SCMH1: variants seen among roughly 807,000 people sequenced by gnomAD.
The protein encoded by SCMH1 is polycomb protein SCMH1.
SCMH1 carries 37 observed loss-of-function variants against 70.8 expected under a neutral mutation model. The observed-to-expected ratio is 0.52, with a 90% confidence interval of 0.40 to 0.69. The LOEUF is 0.69. SCMH1 is among the 30% of genes least tolerant of loss of function. SCMH1 has a pLI of 0.00. For synonymous variants in SCMH1, 292 were observed against 307.4 expected, an observed-to-expected ratio of 0.95 and a Z score of 0.52; for missense variants, 607 against 827.3, an observed-to-expected ratio of 0.73 and a Z score of 3.27.
At chr1:41,086,452 C>T (rs1486773632) in intron 8 of SCMH1, among the ~76,000 whole-genome samples, 1 of 152,172 alleles carries the variant, frequency 6.6e-6, no homozygotes, top group South Asian at 2.1e-4. Flanking sequence ...GACATCTATC[C>T]TTGTTCTTTT....
chr1:41,107,543 C>T (rs540708071), intron 8 of SCMH1, among the ~76,000 whole-genome samples: 2 of 151,988 alleles, frequency 1.3e-5, no homozygotes, highest in East Asian at 3.9e-4. Flanking sequence ...TTTCTTGAGA[C>T]AGAGTCTTGC....
At chr1:41,140,213 T>A (rs1643917537) in intron 6 of SCMH1, among the ~76,000 whole-genome samples, 1 of 152,104 alleles carries the variant, frequency 6.6e-6, no homozygotes, top group Non-Finnish European at 1.5e-5. Context: ...AAATTTAAGG[T>A]AGCAGAGATG....
intron 8 of SCMH1, among the ~76,000 whole-genome samples, chr1:41,092,981 T>C (rs543772861): frequency 1.3e-5 from 2 of 152,164 alleles, no homozygotes; most frequent in Non-Finnish European, 2.9e-5. Flanking sequence ...CTCAAGGATC[T>C]AGAACTAGAA....
chr1:41,033,004 C>CAAT (rs1276523677), intron 13 of SCMH1, among the ~76,000 whole-genome samples: 3 of 146,888 alleles, frequency 2.0e-5, no homozygotes, highest in Non-Finnish European at 4.5e-5. Flanking sequence ...AAGACAGAGG[C>CAAT]TATTAGGCCA....
intron 2 of SCMH1, among the ~76,000 whole-genome samples, chr1:41,182,444 C>T (rs1020664127): frequency 7.9e-5 from 12 of 152,092 alleles, no homozygotes; most frequent in African/African-American, 2.9e-4. Flanking sequence ...TCAAAAAGTT[C>T]GGTGGCCCAT....
chr1:41,034,136 C>T, intron 13 of SCMH1, 88 bp from the exon 14 acceptor site: 7 of 1,522,394 alleles, frequency 4.6e-6, no homozygotes, highest in Non-Finnish European at 6.2e-6. Context: ...GGTGAGATGA[C>T]TGACTCAAGT....
At chr1:41,237,968 A>G (rs1662733225) in intron 1 of SCMH1, among the ~76,000 whole-genome samples, 1 of 152,070 alleles carries the variant, frequency 6.6e-6, no homozygotes, top group Non-Finnish European at 1.5e-5. Flanking sequence ...TGAATCACCA[A>G]TCGCTTGTGA....
intron 10 of SCMH1, 86 bp from the exon 11 acceptor site, chr1:41,048,976 C>T: frequency 7.9e-7 from 1 of 1,257,952 alleles, no homozygotes; most frequent in Non-Finnish European, 1.1e-6. Context: ...TCTTTTATAC[C>T]TTGGCCTCTG....
chr1:41,212,868 T>TC (rs1456643503), intron 1 of SCMH1, among the ~76,000 whole-genome samples: 1 of 151,912 alleles, frequency 6.6e-6, no homozygotes, highest in African/African-American at 2.4e-5. Context: ...AAAGTGAGAC[T>TC]CTGTCTGGAG....
chr1:41,055,310 C>T (rs769615506), intron 10 of SCMH1, among the ~76,000 whole-genome samples: 6 of 152,030 alleles, frequency 3.9e-5, no homozygotes, highest in Non-Finnish European at 7.4e-5. Flanking sequence ...TAATACTGGA[C>T]CTAATTAAGG....
rs186741047 is a variant in SCMH1 at position 41,103,070 on chromosome 1, G to A, written c.745+10213C>T. Among the ~76,000 whole-genome samples the A allele has an allele frequency of 4.0e-4, 61 of 151,792 alleles. No homozygotes were observed. The East Asian group carries it at 0.01, about 25-fold the overall frequency. On this transcript the variant is annotated intron_variant, in intron 8 of 14. Transcript: ENST00000337495. ...TCTATTAAGTCATTATTGAGATTCAGAAATTCTCATTTATAACTGTAATAG... is the reference window on the plus strand; with the variant it reads ...TCTATTAAGTCATTATTGAGATTCAAAAATTCTCATTTATAACTGTAATAG...
chr1:41,057,568 C>T (rs994876581), intron 10 of SCMH1, among the ~76,000 whole-genome samples: 2 of 152,002 alleles, frequency 1.3e-5, no homozygotes, highest in African/African-American at 4.8e-5. Context: ...GTTCCTTTTA[C>T]CCAGTACATC....
intron 4 of SCMH1, chr1:41,152,859 A>ACC: frequency 9.8e-7 from 1 of 1,015,612 alleles, no homozygotes; most frequent in Non-Finnish European, 1.4e-6. Flanking sequence ...CTTTCCCACT[A>ACC]CCCTTAACTA....
At chr1:41,051,456 G>A (rs1462166331) in intron 10 of SCMH1, among the ~76,000 whole-genome samples, 1 of 152,128 alleles carries the variant, frequency 6.6e-6, no homozygotes, top group Non-Finnish European at 1.5e-5. Context: ...TCCTTCAGGA[G>A]GTATTCCAGG....
At chr1:41,220,565 T>A (rs1165444717) in intron 1 of SCMH1, among the ~76,000 whole-genome samples, 1 of 152,146 alleles carries the variant, frequency 6.6e-6, no homozygotes, top group Admixed American at 6.5e-5. Context: ...AAAAACCAAC[T>A]CACCTGGATA....
At chr1:41,242,267 C>T (rs1319083710), upstream of SCMH1, 1 of 137,420 alleles carries the variant, frequency 7.3e-6, no homozygotes, top group Non-Finnish European at 1.6e-5. This position sits in a 1 kb window ranked among gnomAD's most constrained non-coding sequence, Gnocchi z 5.2. Flanking sequence ...CCGCGCCTCC[C>T]GCTGCGAGGT....
intron 9 of SCMH1, among the ~76,000 whole-genome samples, chr1:41,074,885 C>T (rs1450415648): frequency 2.6e-5 from 4 of 152,158 alleles, no homozygotes; most frequent in Non-Finnish European, 4.4e-5. Flanking sequence ...TCTTTTGAGA[C>T]GGAGTCTCGC....
At chr1:41,044,172 T>C (rs1646604597) in intron 12 of SCMH1, among the ~76,000 whole-genome samples, 1 of 152,092 alleles carries the variant, frequency 6.6e-6, no homozygotes, top group Non-Finnish European at 1.5e-5. Context: ...GGGCCAGGAC[T>C]CTAAGTGGTA....
At chr1:41,156,113 C>T (rs183427436) in intron 4 of SCMH1, among the ~76,000 whole-genome samples, 21 of 152,112 alleles carry the variant, frequency 1.4e-4, no homozygotes, top group East Asian at 1.2e-3. Flanking sequence ...ATGGACAGAC[C>T]GCTCTTTATA....
Sources: allele counts gnomAD v4.1 joint callset (sites outside exome capture counted in the v4.1 genomes callset), GRCh38; gene constraint gnomAD v4.1.1; non-coding constraint Gnocchi (gnomAD v3.1); transcripts MANE v1.5; gene names NCBI Gene and HGNC (gene_info 2026-07-23, HGNC 2026-07-21).